TMPRSS15: variants seen among roughly 807,000 people sequenced by gnomAD.
TMPRSS15 encodes the protein enteropeptidase.
Under a neutral mutation model 125.3 loss-of-function variants are expected in TMPRSS15, and 128 were observed. That is an observed-to-expected ratio of 1.02 (90% CI 0.89 to 1.18). The LOEUF (loss-of-function observed/expected upper bound fraction) is 1.18. Among genes scored for constraint, TMPRSS15 ranks in the 50% most tolerant of loss-of-function variants. TMPRSS15 has a pLI of 0.00. For missense variants in TMPRSS15, 1,283 were observed against 1,212.7 expected (o/e 1.06, Z -0.86); for synonymous variants, 446 against 423.2 (o/e 1.05, Z -0.66).
intron 1 of TMPRSS15, among the ~76,000 whole-genome samples, chr21:18,458,586 G>A (rs983607843): frequency 2.6e-5 from 4 of 152,142 alleles, no homozygotes; most frequent in Admixed American, 6.5e-5. Flanking sequence ...TTTCTGACAC[G>A]GGGTAGCTGC....
chr21:18,354,353 A>G (rs1030821747), intron 8 of TMPRSS15, among the ~76,000 whole-genome samples: 4 of 151,788 alleles, frequency 2.6e-5, no homozygotes, highest in African/African-American at 9.7e-5. Flanking sequence ...AGGTGACTTA[A>G]GATTGTTTCT....
intron 1 of TMPRSS15, among the ~76,000 whole-genome samples, chr21:18,411,989 T>A (rs2076167092): frequency 6.6e-6 from 1 of 152,124 alleles, no homozygotes; most frequent in Non-Finnish European, 1.5e-5. Context: ...TTTTACAGCA[T>A]CCTACTTGGT....
chr21:18,384,330 C>T (rs1014435783), intron 3 of TMPRSS15, among the ~76,000 whole-genome samples: 10 of 152,172 alleles, frequency 6.6e-5, no homozygotes, highest in Admixed American at 2.0e-4. Context: ...GCCCTGATTT[C>T]AAGGGATAGA....
At chr21:18,432,768 G>A (rs764808106) in intron 1 of TMPRSS15, among the ~76,000 whole-genome samples, 2 of 152,102 alleles carry the variant, frequency 1.3e-5, no homozygotes, top group Non-Finnish European at 2.9e-5. Context: ...AATTTCTGTT[G>A]TTTAAAGCCA....
chr21:18,300,240 CTTTG>C (rs943832742), intron 18 of TMPRSS15, among the ~76,000 whole-genome samples: 60 of 150,188 alleles, frequency 4.0e-4, no homozygotes, highest in African/African-American at 1.0e-3. Flanking sequence ...TTCTTTCTTT[CTTTG>C]TTTTTCTTCT....
At chr21:18,311,356 C>G (rs1460636938) in intron 18 of TMPRSS15, among the ~76,000 whole-genome samples, 1 of 151,992 alleles carries the variant, frequency 6.6e-6, no homozygotes, top group Non-Finnish European at 1.5e-5. Context: ...ACATATTAAC[C>G]AGAATATATA....
intron 1 of TMPRSS15, among the ~76,000 whole-genome samples, chr21:18,447,387 C>A (rs2076257910): frequency 7.0e-6 from 1 of 142,580 alleles, no homozygotes; most frequent in South Asian, 2.2e-4. Context: ...TAGCAGTGAG[C>A]CCAGATCATG....
intron 1 of TMPRSS15, among the ~76,000 whole-genome samples, chr21:18,444,913 A>G (rs1165900727): frequency 6.6e-6 from 1 of 152,092 alleles, no homozygotes; most frequent in Non-Finnish European, 1.5e-5. Context: ...CATGAGATAA[A>G]CTTTCTGAAA....
At position 18,315,233 on chromosome 21, in the gene TMPRSS15, GA is replaced by G; in HGVS notation, c.1944del (p.Gln649AsnfsTer11). 1.2e-6 allele frequency: 2 copies of G among 1,613,318 alleles called. No homozygotes were observed. On this transcript the variant is annotated frameshift_variant, in exon 17 of 25. Transcript: ENST00000284885. LOFTEE classifies it high-confidence loss of function. ...GGAACACACTCTCCATTTTTACATTGAAAATGGTCTGCCTTGCATGGCTCTA... is the reference window on the plus strand; with the variant it reads ...GGAACACACTCTCCATTTTTACATTGAAATGGTCTGCCTTGCATGGCTCTA... ...GIPEPCKADH[F>X]QCKNGECVPL...
intron 19 of TMPRSS15, among the ~76,000 whole-genome samples, chr21:18,295,927 C>A (rs1366332311): frequency 6.6e-6 from 1 of 152,028 alleles, no homozygotes; most frequent in Non-Finnish European, 1.5e-5. Flanking sequence ...CGGAGGCGGG[C>A]GGATCACGAG....
chr21:18,367,115 A>G (rs1569036733), intron 6 of TMPRSS15, among the ~76,000 whole-genome samples: 4 of 152,110 alleles, frequency 2.6e-5, no homozygotes, highest in Non-Finnish European at 5.9e-5. Context: ...TGGCCTAGGA[A>G]TTAATTCATT....
chr21:18,363,890 T>C (rs924421464), intron 7 of TMPRSS15, among the ~76,000 whole-genome samples: 1 of 152,142 alleles, frequency 6.6e-6, no homozygotes. Context: ...TAGCATGTTA[T>C]CTAGAGCAGG....
At chr21:18,451,139 G>T (rs1240107011) in intron 1 of TMPRSS15, among the ~76,000 whole-genome samples, 2 of 151,582 alleles carry the variant, frequency 1.3e-5, no homozygotes, top group African/African-American at 4.9e-5. Flanking sequence ...GGATTTTATT[G>T]TAATACAGTT....
intron 12 of TMPRSS15, 151 bp from the exon 13 acceptor site, chr21:18,341,699 C>A: frequency 1.1e-6 from 1 of 877,158 alleles, no homozygotes; most frequent in Non-Finnish European, 1.8e-6. Flanking sequence ...ATAGTGAAAT[C>A]TTGACAGATC....
intron 1 of TMPRSS15, among the ~76,000 whole-genome samples, chr21:18,425,679 A>T (rs1330712785): frequency 6.6e-6 from 1 of 152,120 alleles, no homozygotes; most frequent in Non-Finnish European, 1.5e-5. Flanking sequence ...AGAAATAAGA[A>T]CTTATGAAAG....
chr21:18,472,745 A>G (rs1048162002), intron 1 of TMPRSS15, among the ~76,000 whole-genome samples: 1 of 152,120 alleles, frequency 6.6e-6, no homozygotes, highest in African/African-American at 2.4e-5. Context: ...AATCAGTGGG[A>G]AAAGAAAAAG....
At chr21:18,457,596 T>C (rs1170236634) in intron 1 of TMPRSS15, among the ~76,000 whole-genome samples, 3 of 152,134 alleles carry the variant, frequency 2.0e-5, no homozygotes, top group African/African-American at 7.2e-5. Context: ...TAGTAGTTAT[T>C]AATAATGCAA....
intron 21 of TMPRSS15, 134 bp from the exon 22 acceptor site, chr21:18,281,355 T>C: frequency 1.2e-6 from 1 of 808,796 alleles, no homozygotes; most frequent in Non-Finnish European, 2.0e-6. Context: ...AATCATCCTT[T>C]AAAAATATTC....
chr21:18,441,262 C>G (rs1047542509), intron 1 of TMPRSS15, among the ~76,000 whole-genome samples: 2 of 146,952 alleles, frequency 1.4e-5, no homozygotes, highest in African/African-American at 2.5e-5. Context: ...GCCTAGGCAA[C>G]AAGAGTGAAA....
Sources: allele counts gnomAD v4.1 joint callset (sites outside exome capture counted in the v4.1 genomes callset), GRCh38; gene constraint gnomAD v4.1.1; transcripts MANE v1.5; gene names NCBI Gene and HGNC (gene_info 2026-07-23, HGNC 2026-07-21).